VPS35: variants seen among roughly 807,000 people sequenced by gnomAD.
The protein encoded by VPS35 is vacuolar protein sorting-associated protein 35.
In VPS35, 21 loss-of-function variants were observed where a neutral mutation model predicts 98.1. That is an observed-to-expected ratio of 0.21 (90% confidence interval 0.15 to 0.31). VPS35 has a LOEUF of 0.31. Among genes scored for constraint, VPS35 ranks in the 10% least tolerant of loss-of-function variants. VPS35 has a pLI of 1.00. For synonymous variants in VPS35, 268 were observed against 318.2 expected (o/e 0.84, Z 1.68); for missense variants, 554 against 950.8 (o/e 0.58, Z 5.49).
At position 46,659,419 on chromosome 16, in the gene VPS35, A is replaced by C. The variant is rs1965874751; in HGVS notation, c.*1053T>G. 6.6e-6 allele frequency: 1 copy of C among 152,250 alleles called. No homozygotes were observed. Among genetic ancestry groups the C allele is most frequent in the African/African-American group, 2.4e-5 (1 of 41,472 alleles). The allele number at this position is 152,250 out of a possible 1,614,324, so 9.4% of individuals were successfully genotyped here. A position where few individuals can be genotyped will look rare whatever the true frequency, so the allele number is the denominator to read the frequency against. On this transcript the variant is annotated 3_prime_UTR_variant, in exon 17 of 17. Transcript: ENST00000299138. Reference sequence around the variant, plus strand: ...GTTTTGGGATGGTTTATTATATAGTAGGTAACTAGTATCGGTGGTGAGCCT... The same window carrying C: ...GTTTTGGGATGGTTTATTATATAGTCGGTAACTAGTATCGGTGGTGAGCCT...
At position 46,656,647 on chromosome 16, in the gene VPS35, C is replaced by T. The variant is rs1441634756; in HGVS notation, c.*3825G>A. ...TCTAAGTGAAAATGGATTTAAGTCACAGCCTAAGATTTTACTTATTTGAAG... is the reference window on the plus strand; with the variant it reads ...TCTAAGTGAAAATGGATTTAAGTCATAGCCTAAGATTTTACTTATTTGAAG... On this transcript the variant is annotated 3_prime_UTR_variant, in exon 17 of 17. Transcript: ENST00000299138. 3 of 152,194 alleles carry T rather than the reference C, an allele frequency of 2.0e-5. No individual in the cohort carries two copies. The highest frequency in any genetic ancestry group is 4.4e-5 in the Non-Finnish European group (3 of 68,046). 9.4% of individuals were successfully genotyped at this position (152,194 alleles called of 1,614,324 possible). A position where few individuals can be genotyped will look rare whatever the true frequency, so the allele number is the denominator to read the frequency against.
At chr16:46,664,526 T>C (rs981879604) in intron 13 of VPS35, among the ~76,000 whole-genome samples, 6 of 143,784 alleles carry the variant, frequency 4.2e-5, no homozygotes, top group Non-Finnish European at 7.7e-5. Context: ...TTTTCTTTTC[T>C]TTTTTTTTTT....
rs553392465 is a variant in VPS35 at position 46,665,361 on chromosome 16, A to T, written c.1648-2199T>A. 1.2e-4 allele frequency among the ~76,000 whole-genome samples: 18 copies of T among 152,294 alleles called. 1 individual carries two copies. The highest frequency in any genetic ancestry group is 1.1e-3 in the Admixed American group (17 of 15,294). ...GTAATCCCAACACTTAGGGAGGCCA[A>T]GGAGGCAGGAGGATCGCTTGAGCCC... On this transcript the variant is annotated intron_variant, in intron 13 of 16. Transcript: ENST00000299138.
chr16:46,660,407 A>G lies in VPS35; in HGVS notation c.*65T>C. 6.3e-7 allele frequency: 1 copy of G among 1,594,238 alleles called. No individual in the cohort carries two copies. Reference sequence around the variant, plus strand: ...CTGAAAGGCACAATCTATGGAAGGGAAACCTAGCGTAATAAAACCCTCACT... The same window carrying G: ...CTGAAAGGCACAATCTATGGAAGGGGAACCTAGCGTAATAAAACCCTCACT... On this transcript the variant is annotated 3_prime_UTR_variant, in exon 17 of 17. Coordinates refer to ENST00000299138, the MANE Select transcript of VPS35 (RefSeq NM_018206.6).
At chr16:46,662,151 C>A (rs1401410061) in intron 15 of VPS35, 92 bp downstream of exon 15, 12 of 1,604,702 alleles carry the variant, frequency 7.5e-6, no homozygotes, top group Middle Eastern at 3.3e-4. Flanking sequence ...TTTCCAAGCA[C>A]CCCAAATGTT....
At chr16:46,662,040 A>G (rs1186223562) in intron 15 of VPS35, among the ~76,000 whole-genome samples, 179 bp from the exon 16 acceptor site, 4 of 152,188 alleles carry the variant, frequency 2.6e-5, no homozygotes, top group African/African-American at 9.7e-5. Context: ...AAAAACAGGT[A>G]GTGGTTTGAA....
intron 1 of VPS35, 54 bp from the exon 2 acceptor site, chr16:46,683,660 G>T: frequency 6.8e-7 from 1 of 1,471,674 alleles, no homozygotes; most frequent in South Asian, 1.2e-5. Context: ...TAGCAAGTAC[G>T]TTATTTCTAT....
chr16:46,687,837 C>T (rs1481471024), intron 1 of VPS35, among the ~76,000 whole-genome samples: 2 of 152,016 alleles, frequency 1.3e-5, no homozygotes, highest in African/African-American at 2.4e-5. Flanking sequence ...TGTGAAAGAA[C>T]GAATACTCAA....
chr16:46,679,609 T>G (rs1446185817), intron 5 of VPS35, among the ~76,000 whole-genome samples: 1 of 152,198 alleles, frequency 6.6e-6, no homozygotes, highest in Non-Finnish European at 1.5e-5. Flanking sequence ...ACACTTATGG[T>G]GTACTGCTAA....
At chr16:46,665,208 G>A (rs1027902312) in intron 13 of VPS35, among the ~76,000 whole-genome samples, 2 of 152,102 alleles carry the variant, frequency 1.3e-5, no homozygotes. Flanking sequence ...TAAAAGGTTC[G>A]CTGTTGTAAT....
In VPS35 at chr16:46,658,896, A is replaced by C. The variant is rs1050331744; in HGVS notation, c.*1576T>G. 6.6e-6 allele frequency: 1 copy of C among 152,214 alleles called. No homozygotes were observed. The highest frequency in any genetic ancestry group is 2.4e-5 in the African/African-American group (1 of 41,456). The allele number at this position is 152,214 out of a possible 1,614,324, so 9.4% of individuals were successfully genotyped here. ...ATGTAGTCATTTGAAAATGTCTATA[A>C]ATTTTCCCTTTAAGAGGTGGAGCTT... On this transcript the variant is annotated 3_prime_UTR_variant, in exon 17 of 17. Coordinates refer to ENST00000299138, the MANE Select transcript of VPS35 (RefSeq NM_018206.6).
chr16:46,677,526 T>C, intron 6 of VPS35, 128 bp from the exon 7 acceptor site: 1 of 805,606 alleles, frequency 1.2e-6, no homozygotes, highest in East Asian at 2.7e-5. Context: ...AGACTTCACT[T>C]CTAAACTTTA....
At position 46,666,828 on chromosome 16, in the gene VPS35, C is replaced by G. The variant is rs113692482; in HGVS notation, c.1647+2102G>C. ...ATATACACACATATATACGTATATA[C>G]ACACACATATATACACAACACAATT... is the stretch of plus-strand genomic sequence containing the variant. On this transcript the variant is annotated intron_variant, in intron 13 of 16. Transcript: ENST00000299138. Among the ~76,000 whole-genome samples the G allele has an allele frequency of 8.8e-3, 1,339 of 152,248 alleles. 18 individuals are homozygous for G. Among genetic ancestry groups the G allele is most frequent in the African/African-American group, 0.031 (1,277 of 41,546 alleles).
chr16:46,662,298 C>T lies in VPS35; in HGVS notation c.2012G>A (p.Ser671Asn). ...AGACCAGAAGAGATGTGCACAGGTG[C>T]TCACAGCTCGGCCCTGATCAGGTTT... ...LKKPDQGRAV[S>N]TCAHLFWSGR... The change falls in exon 15 of 17, where the codon AGC becomes AAC. Residue 671 changes from serine (S) to asparagine (N), a missense_variant. Transcript: ENST00000299138. The T allele has an allele frequency of 6.2e-7, 1 of 1,614,160 alleles. No homozygotes were observed. The highest frequency in any genetic ancestry group is 8.5e-7 in the Non-Finnish European group (1 of 1,180,040).
chr16:46,673,986 T>C (rs1966104284), intron 10 of VPS35: 1 of 302,542 alleles, frequency 3.3e-6, no homozygotes, highest in South Asian at 3.8e-5. Context: ...AGTGTTAGTG[T>C]ATTTTATGTG....
chr16:46,660,958 C>T (rs749971638), intron 16 of VPS35: 51 of 407,280 alleles, frequency 1.3e-4, no homozygotes, highest in Non-Finnish European at 2.1e-4. Flanking sequence ...ACCAGCCTGG[C>T]CAACATGGTG....
At chr16:46,681,282 A>G in intron 4 of VPS35, 95 bp downstream of exon 4, 2 of 1,519,226 alleles carry the variant, frequency 1.3e-6, no homozygotes, top group Non-Finnish European at 1.8e-6. Flanking sequence ...TTAAGAAGTT[A>G]CCCTTAAAAC....
intron 13 of VPS35, 93 bp downstream of exon 13, chr16:46,668,837 G>A (rs1966026440): frequency 5.2e-6 from 8 of 1,541,278 alleles, no homozygotes; most frequent in East Asian, 2.3e-5. Flanking sequence ...ATTTTTGTAC[G>A]TTTGAAATTT....
At chr16:46,688,561 C>A (rs546040656) in intron 1 of VPS35, 1 of 992,706 alleles carries the variant, frequency 1.0e-6, no homozygotes, top group East Asian at 1.1e-4. Flanking sequence ...TGAGTCCTTC[C>A]AGGAAATTCA....
Sources: gnomAD v4.1 joint callset for allele counts (sites outside exome capture counted in the v4.1 genomes callset) on GRCh38, gnomAD v4.1.1 for gene constraint, MANE v1.5 for transcripts, NCBI Gene and HGNC (gene_info 2026-07-23, HGNC 2026-07-21) for gene names.